The following XRRA1 variants were observed in gnomAD, a reference collection of about 807,000 sequenced individuals.
XRRA1 encodes X-ray radiation resistance associated 1, also known as X-ray radiation resistance-associated protein 1.
Under a neutral mutation model 80.2 loss-of-function variants are expected in XRRA1, and 69 were observed. That is an observed-to-expected ratio of 0.86 (90% CI 0.71 to 1.05). The LOEUF (loss-of-function observed/expected upper bound fraction) is 1.05, where lower values mean the gene tolerates loss of function less well. Ranked by LOEUF, XRRA1 falls within the 50% of genes least tolerant of loss-of-function variation. The pLI is 0.00. For missense variants in XRRA1, 967 were observed against 976.4 expected, an observed-to-expected ratio of 0.99 and a Z score of 0.13; for synonymous variants, 348 against 389.9, an observed-to-expected ratio of 0.89 and a Z score of 1.27.
At chr11:74,945,837 C>T (rs1390547225) in intron 1 of XRRA1, among the ~76,000 whole-genome samples, 1 of 152,082 alleles carries the variant, frequency 6.6e-6, no homozygotes, top group African/African-American at 2.4e-5. Flanking sequence ...CATATTTTTG[C>T]TTGTTCCATT....
At chr11:74,923,072 G>A (rs1242256815) in intron 7 of XRRA1, among the ~76,000 whole-genome samples, 1 of 152,216 alleles carries the variant, frequency 6.6e-6, no homozygotes, top group African/African-American at 2.4e-5. Flanking sequence ...ACAAAGGAAG[G>A]ATATGGTCAG....
intron 10 of XRRA1, among the ~76,000 whole-genome samples, chr11:74,883,651 G>A (rs2048299462): frequency 6.6e-6 from 1 of 152,160 alleles, no homozygotes; most frequent in South Asian, 2.1e-4. Context: ...AACCACACAT[G>A]GACATGCCTT....
intron 9 of XRRA1, 148 bp downstream of exon 9, chr11:74,906,997 A>G (rs1391650985): frequency 1.9e-6 from 2 of 1,058,544 alleles, no homozygotes; most frequent in African/African-American, 1.6e-5. Flanking sequence ...CTCAGAGGGG[A>G]GAAATGACTT....
intron 13 of XRRA1, 122 bp downstream of exon 13, chr11:74,851,867 G>T: frequency 1.2e-6 from 1 of 808,460 alleles, no homozygotes; most frequent in South Asian, 1.6e-5. Context: ...AATGTACCAT[G>T]AACCTTGTCC....
chr11:74,879,776 T>G (rs2047027297), intron 10 of XRRA1, among the ~76,000 whole-genome samples: 1 of 148,294 alleles, frequency 6.7e-6, no homozygotes, highest in Non-Finnish European at 1.5e-5. Context: ...TTTATTGATT[T>G]GCGTATATTG....
intron 3 of XRRA1, among the ~76,000 whole-genome samples, chr11:74,938,989 C>T (rs1466144048): frequency 6.6e-6 from 1 of 152,208 alleles, no homozygotes; most frequent in Non-Finnish European, 1.5e-5. Flanking sequence ...AAAATTATTA[C>T]TGTAGTGTTT....
At chr11:74,940,709 G>A (rs1946155792) in intron 3 of XRRA1, 76 bp downstream of exon 3, 4 of 1,224,884 alleles carry the variant, frequency 3.3e-6, no homozygotes, top group Admixed American at 2.0e-5. Flanking sequence ...GGTTGGAGAA[G>A]AACAAGTAGA....
At chr11:74,911,443 C>T (rs1342430403) in intron 8 of XRRA1, 2 of 152,146 alleles carry the variant, frequency 1.3e-5, no homozygotes, top group African/African-American at 2.4e-5. Context: ...TACATTTATT[C>T]TCCCCCTCAT....
At chr11:74,940,699 G>A in intron 3 of XRRA1, 86 bp downstream of exon 3, 2 of 1,079,110 alleles carry the variant, frequency 1.9e-6, no homozygotes, top group Non-Finnish European at 2.8e-6. Flanking sequence ...GTAGTGAAGG[G>A]GTTGGAGAAG....
chr11:74,924,949 A>G (rs1323437138), intron 7 of XRRA1, among the ~76,000 whole-genome samples: 1 of 152,228 alleles, frequency 6.6e-6, no homozygotes, highest in Non-Finnish European at 1.5e-5. Context: ...AGAGCTGACT[A>G]GCTATGATTA....
Position 74,844,156 on chromosome 11 carries a change from C to T in XRRA1, c.2043+12G>A. The T allele has an allele frequency of 6.2e-7, 1 of 1,611,214 alleles. No individual in the cohort carries two copies. The highest frequency in any genetic ancestry group is 8.5e-7 in the Non-Finnish European group (1 of 1,177,478). On this transcript the variant is annotated intron_variant, in intron 17 of 18. Coordinates refer to ENST00000684022, the MANE Select transcript of XRRA1 (RefSeq NM_001378157.1). ...AGGGGCCATTTACACATTCAGTGAGCTGGATGTTTACCCGTTTCTCTTTGT... is the reference window on the plus strand; with the variant it reads ...AGGGGCCATTTACACATTCAGTGAGTTGGATGTTTACCCGTTTCTCTTTGT...
Position 74,906,269 on chromosome 11 carries a change from G to T in XRRA1, c.973C>A (p.Leu325Met), listed in dbSNP as rs1186931187. 3.1e-6 allele frequency: 5 copies of T among 1,613,866 alleles called. No homozygotes were observed. The highest frequency in any genetic ancestry group is 4.2e-6 in the Non-Finnish European group (5 of 1,179,904). Residue 325 changes from leucine (L) to methionine (M), a missense_variant, in exon 10 of 19, where the codon CTG (leucine) becomes ATG (methionine). By Grantham distance (15) the Leu-to-Met change is conservative. Coordinates refer to ENST00000684022, the MANE Select transcript of XRRA1 (RefSeq NM_001378157.1). ...CGGTCAACATCCTTTTTCATGGGCA[G>T]TACAGTATAATCCAGTTGCTCATCT... Reference protein sequence around the residue: ...DSDEQLDYTVLPMKKDVDRTE... With the variant: ...DSDEQLDYTVMPMKKDVDRTE...
intron 9 of XRRA1, 50 bp downstream of exon 9, chr11:74,907,095 C>T: frequency 2.5e-6 from 4 of 1,608,916 alleles, no homozygotes; most frequent in Non-Finnish European, 3.4e-6. Flanking sequence ...AGAGTGTGAG[C>T]AAGCCTGGGG....
intron 10 of XRRA1, 43 bp downstream of exon 10, chr11:74,906,196 C>G (rs1222197328): frequency 6.4e-7 from 1 of 1,573,556 alleles, no homozygotes; most frequent in East Asian, 2.3e-5. Context: ...AAGTGTATTT[C>G]CACCATGAGG....
At chr11:74,891,141 G>A (rs1328065672) in intron 10 of XRRA1, among the ~76,000 whole-genome samples, 1 of 152,158 alleles carries the variant, frequency 6.6e-6, no homozygotes, top group African/African-American at 2.4e-5. Flanking sequence ...GAACATTGAT[G>A]CAAAAATCCT....
At chr11:74,876,428 A>C (rs576556965) in intron 10 of XRRA1, 1 of 152,300 alleles carries the variant, frequency 6.6e-6, no homozygotes, top group East Asian at 1.9e-4. Flanking sequence ...TATTAGACCA[A>C]GACACCTCTA....
intron 12 of XRRA1, among the ~76,000 whole-genome samples, chr11:74,853,210 G>A (rs938941159): frequency 1.3e-5 from 2 of 152,112 alleles, no homozygotes; most frequent in Non-Finnish European, 2.9e-5. Context: ...GAAGTACCAG[G>A]GTCATGTGAC....
At chr11:74,873,316 G>A (rs1276024513) in intron 10 of XRRA1, among the ~76,000 whole-genome samples, 2 of 152,126 alleles carry the variant, frequency 1.3e-5, no homozygotes, top group Non-Finnish European at 2.9e-5. Flanking sequence ...ATGGAGACTA[G>A]ATCAGATCCT....
At chr11:74,907,300 G>A in intron 8 of XRRA1, 27 bp from the exon 9 acceptor site, 4 of 1,612,656 alleles carry the variant, frequency 2.5e-6, no homozygotes, top group Non-Finnish European at 3.4e-6. Flanking sequence ...CTTGGGTAAT[G>A]AGCAAGGTCG....
Sources: allele counts gnomAD v4.1 joint callset (sites outside exome capture counted in the v4.1 genomes callset), GRCh38; gene constraint gnomAD v4.1.1; transcripts MANE v1.5; gene names NCBI Gene and HGNC (gene_info 2026-07-23, HGNC 2026-07-21).